Variants in DSE observed in about 807,000 individuals in gnomAD.
DSE encodes dermatan sulfate epimerase.
Under a neutral mutation model 84.4 loss-of-function variants are expected in DSE, and 36 were observed. The observed-to-expected ratio is 0.43, with a 90% CI of 0.33 to 0.56. DSE has a LOEUF of 0.56. DSE is among the 20% of genes least tolerant of loss of function. The pLI, the probability that DSE is intolerant of heterozygous loss-of-function variation, is 0.06. For missense variants in DSE, 862 were observed against 1,169.6 expected (o/e 0.74, Z 3.84); for synonymous variants, 410 against 430.1 (o/e 0.95, Z 0.58).
At chr6:116,365,865 T>C (rs1043616423), upstream of DSE, among the ~76,000 whole-genome samples, 1 of 152,178 alleles carries the variant, frequency 6.6e-6, no homozygotes, top group Non-Finnish European at 1.5e-5. Flanking sequence ...TTCCAAACTA[T>C]TGCAAAAACT....
chr6:116,341,652 C>G (rs1052213367), intron 2 of DSE, among the ~76,000 whole-genome samples: 2 of 152,148 alleles, frequency 1.3e-5, no homozygotes, highest in African/African-American at 4.8e-5. Flanking sequence ...TTTAATCCAT[C>G]TTGAATTAAT....
chr6:116,330,225 A>G (rs972954372), intron 2 of DSE, among the ~76,000 whole-genome samples: 2 of 152,252 alleles, frequency 1.3e-5, no homozygotes, highest in Non-Finnish European at 2.9e-5. Context: ...CATAGTCAAA[A>G]TTGAATAAAT....
intron 2 of DSE, among the ~76,000 whole-genome samples, chr6:116,417,844 C>G (rs1310448888): frequency 1.3e-5 from 2 of 152,124 alleles, no homozygotes; most frequent in Admixed American, 6.5e-5. Flanking sequence ...TCTGTGTACT[C>G]TAGCCCTGGC....
At chr6:116,290,979 G>A (rs144646786) in intron 2 of DSE, among the ~76,000 whole-genome samples, 1 of 152,312 alleles carries the variant, frequency 6.6e-6, no homozygotes, top group East Asian at 1.9e-4. Context: ...AATGTCATCT[G>A]TAGCACAGAA....
At chr6:116,332,511 G>A (rs1385083438) in intron 2 of DSE, among the ~76,000 whole-genome samples, 1 of 152,078 alleles carries the variant, frequency 6.6e-6, no homozygotes, top group Non-Finnish European at 1.5e-5. Context: ...GGTAAGAGGA[G>A]TTGCTCTACT....
chr6:116,371,001 C>T lies in DSE; in HGVS notation c.-174C>T. On this transcript the variant is annotated 5_prime_UTR_variant, in exon 1 of 6. Transcript: ENST00000644252. The stretch of plus-strand genomic sequence containing the variant: ...ATCCCGGGGCATGGCGCGGCGGGGG[C>T]GCGGAGGGCTCGGTTCGGAGGGGGC... The T allele has an allele frequency of 1.0e-6, 1 of 985,384 alleles. No individual in the cohort carries two copies. Among genetic ancestry groups the T allele is most frequent in the Non-Finnish European group, 1.2e-6 (1 of 830,074 alleles). The allele number at this position is 985,384 out of a possible 1,614,324, so 61.0% of individuals were successfully genotyped here.
chr6:116,283,978 A>G (rs1166678692), intron 2 of DSE, among the ~76,000 whole-genome samples: 1 of 152,204 alleles, frequency 6.6e-6, no homozygotes, highest in Admixed American at 6.5e-5. Flanking sequence ...TGCTTCATAT[A>G]TCACCTTTTT....
chr6:116,276,658 A>G (rs1773156970), intron 2 of DSE: 1 of 152,152 alleles, frequency 6.6e-6, no homozygotes, highest in Non-Finnish European at 1.5e-5. Context: ...TGATTCCATA[A>G]TTTTTAATTA....
At chr6:116,410,242 C>T (rs1357747026) in intron 2 of DSE, among the ~76,000 whole-genome samples, 1 of 152,140 alleles carries the variant, frequency 6.6e-6, no homozygotes, top group African/African-American at 2.4e-5. Flanking sequence ...AGAAATAGGA[C>T]TTTGCCAGTC....
rs541048797 is a variant in DSE, at chr6:116,290,023, C to T, written c.-54+31056C>T. 3.3e-5 allele frequency among the ~76,000 whole-genome samples: 5 copies of T among 152,160 alleles called. No homozygotes were observed. In the South Asian group the frequency reaches 1.0e-3, roughly 32 times the overall value. ...TTTCATATATTATTTAATTGCCTCA[C>T]CCCTCCATTACATAGGTAGTATTCA... On this transcript the variant is annotated intron_variant, in intron 2 of 3. Coordinates refer to the DSE transcript ENST00000430252.
rs146078204 is a variant in DSE, at chr6:116,418,510, C to T, written c.417-8064C>T. On this transcript the variant is annotated intron_variant, in intron 2 of 5. Transcript: ENST00000644252. The stretch of plus-strand genomic sequence containing the variant: ...TTCAGGAAATCTACATGATTGGTGT[C>T]TCATGTTCCTTGGGTGGGCCCTGAG... Among the ~76,000 whole-genome samples the T allele has an allele frequency of 2.6e-4, 39 of 152,254 alleles. 1 individual carries two copies. The East Asian group carries it at 7.3e-3, about 29-fold the overall frequency.
chr6:116,285,364 G>T (rs1353615329), intron 2 of DSE, among the ~76,000 whole-genome samples: 1 of 152,162 alleles, frequency 6.6e-6, no homozygotes, highest in Non-Finnish European at 1.5e-5. Context: ...TTTTGATGGG[G>T]TTGTTTGATT....
At chr6:116,341,349 T>A (rs1362926947) in intron 2 of DSE, among the ~76,000 whole-genome samples, 2 of 152,188 alleles carry the variant, frequency 1.3e-5, no homozygotes, top group East Asian at 3.8e-4. Flanking sequence ...TGTAAATTTG[T>A]TTGAGTTCTT....
intron 2 of DSE, among the ~76,000 whole-genome samples, chr6:116,262,709 T>A (rs9372453): frequency 0.28 from 42,908 of 152,100 alleles, 7,312 homozygotes; most frequent in East Asian, 0.68. Flanking sequence ...ATATTAGGTT[T>A]TTAACTTAAG....
chr6:116,388,169 C>T (rs1416948287), intron 1 of DSE, among the ~76,000 whole-genome samples: 4 of 152,146 alleles, frequency 2.6e-5, no homozygotes, highest in African/African-American at 9.7e-5. Flanking sequence ...GTCCCACAAT[C>T]TGCCATTTGC....
intron 2 of DSE, among the ~76,000 whole-genome samples, chr6:116,263,268 C>G (rs1363976970): frequency 6.6e-6 from 1 of 152,126 alleles, no homozygotes; most frequent in Non-Finnish European, 1.5e-5. Context: ...GATCTAAGAA[C>G]TTGCTTTATG....
chr6:116,292,068 G>A (rs935885583), intron 2 of DSE, among the ~76,000 whole-genome samples: 1 of 152,136 alleles, frequency 6.6e-6, no homozygotes, highest in African/African-American at 2.4e-5. Context: ...TGTAGAGCAG[G>A]AGAAGAGTGG....
exon 2 of DSE, chr6:116,258,695 C>T (rs753475953): frequency 2.7e-5 from 43 of 1,604,380 alleles, no homozygotes; most frequent in African/African-American, 5.4e-5. Flanking sequence ...AGTGGGGACA[C>T]GTCCACAGCC....
chr6:116,344,962 G>A (rs1181345280), intron 2 of DSE, among the ~76,000 whole-genome samples: 1 of 151,968 alleles, frequency 6.6e-6, no homozygotes, highest in Non-Finnish European at 1.5e-5. Flanking sequence ...AGAAAAGCAG[G>A]GTTTGCAATC....
Sources: gnomAD v4.1 joint callset for allele counts (sites outside exome capture counted in the v4.1 genomes callset) on GRCh38, gnomAD v4.1.1 for gene constraint, MANE v1.5 for transcripts, NCBI Gene and HGNC (gene_info 2026-07-23, HGNC 2026-07-21) for gene names.